STARD13: variants seen among roughly 807,000 people sequenced by gnomAD.
STARD13 encodes the protein stAR-related lipid transfer protein 13.
STARD13 carries 62 observed loss-of-function variants against 106.4 expected under a neutral mutation model. The observed-to-expected ratio is 0.58, with a 90% confidence interval of 0.48 to 0.72. The LOEUF is 0.72. Ranked by LOEUF, STARD13 falls within the 30% of genes least tolerant of loss-of-function variation. The pLI is 0.00. For synonymous variants in STARD13, 565 were observed against 553.0 expected, an observed-to-expected ratio of 1.02 and a Z score of -0.31; for missense variants, 1,387 against 1,424.0, an observed-to-expected ratio of 0.97 and a Z score of 0.42.
At chr13:33,541,872 T>A in the STARD13 span, among the ~76,000 whole-genome samples, 1 of 152,196 alleles carries the variant, frequency 6.6e-6, no homozygotes, top group Non-Finnish European at 1.5e-5. Flanking sequence ...TTGCAGCATC[T>A]AAAAACAAAG....
At chr13:33,343,302 C>T (rs1013063441) in intron 1 of STARD13, among the ~76,000 whole-genome samples, 6 of 150,926 alleles carry the variant, frequency 4.0e-5, no homozygotes, top group Admixed American at 1.3e-4. Flanking sequence ...TGGCTGGGCT[C>T]GGTGGCTCAT....
intron 7 of STARD13, among the ~76,000 whole-genome samples, chr13:33,125,750 T>G (rs1877062909): frequency 6.6e-6 from 1 of 152,160 alleles, no homozygotes; most frequent in African/African-American, 2.4e-5. Context: ...ATGGTGGCAC[T>G]GAAATAATAG....
upstream of STARD13, among the ~76,000 whole-genome samples, chr13:33,351,487 T>A (rs1475516954): frequency 1.3e-5 from 2 of 152,160 alleles, no homozygotes; most frequent in Non-Finnish European, 2.9e-5. Context: ...TTCAACTCAT[T>A]CATAAGGAGA....
chr13:33,343,144 G>A (rs1321213188), intron 1 of STARD13, among the ~76,000 whole-genome samples: 1 of 152,058 alleles, frequency 6.6e-6, no homozygotes, highest in Non-Finnish European at 1.5e-5. Flanking sequence ...GAACCTTTGA[G>A]TCCTTTTTCT....
chr13:33,643,731 C>G, the STARD13 span, among the ~76,000 whole-genome samples: 24 of 152,366 alleles, frequency 1.6e-4, no homozygotes, highest in Middle Eastern at 3.4e-3. Context: ...CCTCTCTCAC[C>G]TGGTCTAAGC....
chr13:33,672,767 C>T, the STARD13 span, among the ~76,000 whole-genome samples: 3 of 152,302 alleles, frequency 2.0e-5, no homozygotes, highest in Non-Finnish European at 4.4e-5. Flanking sequence ...TATTTGCAAC[C>T]AATTTATCAC....
intron 1 of STARD13, among the ~76,000 whole-genome samples, chr13:33,263,426 TA>T (rs1185980924): frequency 6.6e-6 from 1 of 152,198 alleles, no homozygotes; most frequent in African/African-American, 2.4e-5. Flanking sequence ...AGCAGCAAAG[TA>T]AACAGCTACA....
chr13:33,166,743 T>G (rs1883353449), intron 2 of STARD13, among the ~76,000 whole-genome samples: 9 of 152,106 alleles, frequency 5.9e-5, no homozygotes. Flanking sequence ...GCCTGTAATC[T>G]CAGCACTTAG....
intron 1 of STARD13, among the ~76,000 whole-genome samples, chr13:33,338,553 T>TAACA (rs571973162): frequency 6.6e-6 from 1 of 152,154 alleles, no homozygotes; most frequent in Non-Finnish European, 1.5e-5. Context: ...CCAGCCATGC[T>TAACA]AACAATATAT....
At chr13:33,646,499 CA>C in the STARD13 span, among the ~76,000 whole-genome samples, 1 of 152,176 alleles carries the variant, frequency 6.6e-6, no homozygotes, top group African/African-American at 2.4e-5. Context: ...GTCGGCTGCT[CA>C]GCACTTGCCT....
At chr13:33,650,164 A>ATGTTTTTTTTTT in the STARD13 span, among the ~76,000 whole-genome samples, 20 of 48,376 alleles carry the variant, frequency 4.1e-4, 3 homozygotes, top group East Asian at 6.6e-3. Context: ...CGTGACTCCA[A>ATGTTTTTTTTTT]TTTTTTTTTT....
intron 1 of STARD13, among the ~76,000 whole-genome samples, chr13:33,274,480 C>A (rs1891318607): frequency 6.6e-6 from 1 of 152,148 alleles, no homozygotes; most frequent in African/African-American, 2.4e-5. Context: ...ATTAAGTCAC[C>A]CAGTCTCTGG....
At chr13:33,121,035 C>T (rs1292871285) in intron 7 of STARD13, among the ~76,000 whole-genome samples, 1 of 152,180 alleles carries the variant, frequency 6.6e-6, no homozygotes, top group African/African-American at 2.4e-5. Flanking sequence ...GCCGCCATGG[C>T]TGGCCTATTT....
At chr13:33,587,458 A>G in the STARD13 span, among the ~76,000 whole-genome samples, 1 of 152,142 alleles carries the variant, frequency 6.6e-6, no homozygotes, top group Non-Finnish European at 1.5e-5. Context: ...GTTTCATCAA[A>G]TTCCTTATAA....
chr13:33,583,704 T>C, the STARD13 span, among the ~76,000 whole-genome samples: 2 of 152,186 alleles, frequency 1.3e-5, no homozygotes, highest in East Asian at 1.9e-4. Flanking sequence ...TCAGGAACCA[T>C]TGCAGTGAAC....
the STARD13 span, among the ~76,000 whole-genome samples, chr13:33,585,333 C>T: frequency 2.6e-5 from 4 of 152,108 alleles, no homozygotes; most frequent in African/African-American, 7.2e-5. Context: ...TACATCTATG[C>T]TCATAACATC....
intron 1 of STARD13, among the ~76,000 whole-genome samples, chr13:33,334,586 AC>A (rs1381476004): frequency 6.6e-6 from 1 of 152,144 alleles, no homozygotes; most frequent in Non-Finnish European, 1.5e-5. Context: ...AAAAGGAGAG[AC>A]CCTCAAGAGG....
chr13:33,662,727 A>C, the STARD13 span, among the ~76,000 whole-genome samples: 4 of 152,360 alleles, frequency 2.6e-5, no homozygotes, highest in South Asian at 8.3e-4. Flanking sequence ...ATTTGCTGTG[A>C]GATTAAAGAT....
the STARD13 span, among the ~76,000 whole-genome samples, chr13:33,409,965 C>T: frequency 1.3e-5 from 2 of 152,288 alleles, no homozygotes; most frequent in East Asian, 3.9e-4. Flanking sequence ...TTAATTTTTC[C>T]TGTCTTTGTT....
Sources: allele counts gnomAD v4.1 joint callset (sites outside exome capture counted in the v4.1 genomes callset), GRCh38; gene constraint gnomAD v4.1.1; transcripts MANE v1.5; gene names NCBI Gene and HGNC (gene_info 2026-07-23, HGNC 2026-07-21).